DLG2: variants seen among roughly 807,000 people sequenced by gnomAD.
DLG2 encodes discs large MAGUK scaffold protein 2, also known as disks large homolog 2.
Under a neutral mutation model 132.5 loss-of-function variants are expected in DLG2, and 45 were observed. The ratio of observed to expected loss-of-function variants is 0.34; its 90% CI spans 0.27 to 0.44. DLG2 has a LOEUF of 0.44. DLG2 is among the 20% of genes least tolerant of loss of function. The pLI is 1.00. For synonymous variants in DLG2, 424 were observed against 419.6 expected, an observed-to-expected ratio of 1.01 and a Z score of -0.13; for missense variants, 1,045 against 1,196.9, an observed-to-expected ratio of 0.87 and a Z score of 1.87.
chr11:85,275,999 C>T lies in DLG2; in HGVS notation c.186+9221G>A, dbSNP rs149153166. On this transcript the variant is annotated intron_variant, in intron 4 of 27. Transcript: ENST00000376104. ...GCCATTTTGAAGTCTCCACATAAAG[C>T]TCTCCATGGACGGAGTCTAAGGCAG... 1.9e-3 allele frequency among the ~76,000 whole-genome samples: 285 copies of T among 152,302 alleles called. 2 individuals are homozygous for T. The highest frequency in any genetic ancestry group is 6.4e-3 in the African/African-American group (265 of 41,578).
intron 6 of DLG2, among the ~76,000 whole-genome samples, chr11:85,010,524 C>T (rs1309839263): frequency 6.6e-6 from 1 of 152,052 alleles, no homozygotes; most frequent in Non-Finnish European, 1.5e-5. Flanking sequence ...CTCTATAAAA[C>T]GTTCTAGTGG....
intron 3 of DLG2, among the ~76,000 whole-genome samples, chr11:85,352,277 G>A: frequency 6.6e-6 from 1 of 151,898 alleles, no homozygotes; most frequent in Non-Finnish European, 1.5e-5. Flanking sequence ...ATTTTTTATT[G>A]CGTCTATTTG....
At chr11:83,737,039 T>C (rs749067717) in intron 18 of DLG2, among the ~76,000 whole-genome samples, 2 of 152,200 alleles carry the variant, frequency 1.3e-5, no homozygotes, top group Non-Finnish European at 2.9e-5. Flanking sequence ...AAAAATCTCA[T>C]TTTGTAATTA....
intron 7 of DLG2, among the ~76,000 whole-genome samples, chr11:84,302,776 G>C (rs912272977): frequency 1.3e-5 from 2 of 152,080 alleles, no homozygotes; most frequent in African/African-American, 4.8e-5. Flanking sequence ...TTAACTACTA[G>C]TTTTTATTTT....
At chr11:83,496,740 C>A (rs1162918569) in intron 21 of DLG2, among the ~76,000 whole-genome samples, 1 of 152,096 alleles carries the variant, frequency 6.6e-6, no homozygotes, top group East Asian at 1.9e-4. Flanking sequence ...CAAAACTAAG[C>A]TATGGTGGTA....
At position 83,472,577 on chromosome 11, in the gene DLG2, T is replaced by C. The variant is rs975900210; in HGVS notation, c.2344+150A>G. The C allele has an allele frequency of 1.9e-5, 12 of 635,882 alleles. No homozygotes were observed. In the African/African-American group the frequency reaches 2.1e-4, roughly 11 times the overall value. The allele number at this position is 635,882 out of a possible 1,614,324, so 39.4% of individuals were successfully genotyped here. A position where few individuals can be genotyped will look rare whatever the true frequency, so the allele number is the denominator to read the frequency against. On this transcript the variant is annotated intron_variant, in intron 23 of 27. Coordinates refer to ENST00000376104, the MANE Select transcript of DLG2 (RefSeq NM_001142699.3). The stretch of plus-strand genomic sequence containing the variant: ...GTGATAGGGTCAAAGAGAGAGAAAG[T>C]GAGAGACAGCGTAAGAGTAAGGTAC...
chr11:84,720,453 C>T, intron 6 of DLG2: 2 of 985,348 alleles, frequency 2.0e-6, no homozygotes, highest in South Asian at 4.7e-5. Flanking sequence ...CTGTGCTCGC[C>T]GGGCACATGG....
chr11:84,975,807 C>T (rs2154116954), intron 6 of DLG2, among the ~76,000 whole-genome samples: 1 of 152,298 alleles, frequency 6.6e-6, no homozygotes, highest in Non-Finnish European at 1.5e-5. Flanking sequence ...GGTCCTCCAG[C>T]TTCTGCATCT....
At chr11:85,540,712 C>T (rs1285791251) in intron 3 of DLG2, among the ~76,000 whole-genome samples, 2 of 152,230 alleles carry the variant, frequency 1.3e-5, no homozygotes, top group Non-Finnish European at 2.9e-5. Flanking sequence ...GCTAAAAGAG[C>T]ACACTGTGAC....
chr11:84,889,278 T>C (rs562286662), intron 6 of DLG2, among the ~76,000 whole-genome samples: 4 of 152,042 alleles, frequency 2.6e-5, no homozygotes, highest in Admixed American at 6.6e-5. Flanking sequence ...TAATAGCAAA[T>C]AGAATAAACA....
At chr11:85,248,540 C>T (rs2076246344) in intron 4 of DLG2, among the ~76,000 whole-genome samples, 1 of 152,054 alleles carries the variant, frequency 6.6e-6, no homozygotes, top group East Asian at 1.9e-4. Context: ...ATTAGAATCA[C>T]AGCTTCAGAG....
intron 4 of DLG2, among the ~76,000 whole-genome samples, chr11:85,213,301 A>G (rs534805290): frequency 6.6e-5 from 10 of 152,236 alleles, no homozygotes; most frequent in African/African-American, 2.2e-4. Flanking sequence ...GTCAGGCTAC[A>G]ACTTGGTTTT....
chr11:84,415,119 C>T lies in DLG2; in HGVS notation c.519+119451G>A, dbSNP rs117662809. Among the ~76,000 whole-genome samples, 274 of 152,252 alleles carry T rather than the reference C, an allele frequency of 1.8e-3. 6 individuals are homozygous for T. In the East Asian group the frequency reaches 0.048, roughly 27 times the overall value. On this transcript the variant is annotated intron_variant, in intron 7 of 27. Coordinates refer to ENST00000376104, the MANE Select transcript of DLG2 (RefSeq NM_001142699.3). ...CTATTATTCCCCTAAAGGCAAACAG[C>T]TTTTATTTAATAAAGATGTTATTCT...
At chr11:85,101,339 G>A (rs1036236253) in intron 6 of DLG2, among the ~76,000 whole-genome samples, 1 of 152,044 alleles carries the variant, frequency 6.6e-6, no homozygotes, top group Non-Finnish European at 1.5e-5. Flanking sequence ...GTTCAAACAT[G>A]TATGCCTAAG....
chr11:83,801,463 A>G (rs977894496), intron 17 of DLG2, among the ~76,000 whole-genome samples: 2 of 151,810 alleles, frequency 1.3e-5, no homozygotes, highest in African/African-American at 4.8e-5. Flanking sequence ...CTCTTATTCC[A>G]TCTTATTCCA....
At chr11:84,381,055 A>T (rs2098747570) in intron 7 of DLG2, among the ~76,000 whole-genome samples, 1 of 152,020 alleles carries the variant, frequency 6.6e-6, no homozygotes, top group Non-Finnish European at 1.5e-5. Context: ...ACATATCAAG[A>T]TAGGTAACAG....
chr11:85,356,932 C>A (rs756945555), intron 3 of DLG2, among the ~76,000 whole-genome samples: 1 of 152,064 alleles, frequency 6.6e-6, no homozygotes, highest in Non-Finnish European at 1.5e-5. Flanking sequence ...GGTTAAAAGG[C>A]TTAGGAAGCA....
chr11:85,504,216 A>ATTAGATCCCATT (rs1565599782), intron 3 of DLG2, among the ~76,000 whole-genome samples: 1 of 152,000 alleles, frequency 6.6e-6, no homozygotes, highest in East Asian at 1.9e-4. Flanking sequence ...CTTTAGTTTA[A>ATTAGATCCCATT]TTAGATCCCA....
At chr11:83,795,266 G>C (rs2042498693) in intron 17 of DLG2, among the ~76,000 whole-genome samples, 1 of 152,060 alleles carries the variant, frequency 6.6e-6, no homozygotes, top group Non-Finnish European at 1.5e-5. Context: ...AAATTAGCCA[G>C]GTGTGGTGGC....
Sources: gnomAD v4.1 joint callset for allele counts (sites outside exome capture counted in the v4.1 genomes callset) on GRCh38, gnomAD v4.1.1 for gene constraint, MANE v1.5 for transcripts, NCBI Gene and HGNC (gene_info 2026-07-23, HGNC 2026-07-21) for gene names.